The following CLIP1 variants were observed in gnomAD, a reference collection of about 807,000 sequenced individuals.
The protein encoded by CLIP1 is CAP-Gly domain-containing linker protein 1.
CLIP1 carries 66 observed loss-of-function variants against 161.6 expected under a neutral mutation model. That is an observed-to-expected ratio of 0.41 (90% CI 0.33 to 0.50). The LOEUF (loss-of-function observed/expected upper bound fraction) is 0.50, where lower values mean the gene tolerates loss of function less well. CLIP1 is among the 20% of genes least tolerant of loss of function. The pLI, the probability that CLIP1 is intolerant of heterozygous loss-of-function variation, is 0.27. For missense variants in CLIP1, 1,376 were observed against 1,702.0 expected (o/e 0.81, Z 3.37); for synonymous variants, 598 against 626.2 (o/e 0.96, Z 0.67).
chr12:122,293,302 G>T (rs1024269174), intron 20 of CLIP1, among the ~76,000 whole-genome samples: 1 of 151,992 alleles, frequency 6.6e-6, no homozygotes, highest in Non-Finnish European at 1.5e-5. Flanking sequence ...TGCCACCTGG[G>T]CACCCAAGCC....
chr12:122,318,932 G>C (rs1349719597), intron 18 of CLIP1, among the ~76,000 whole-genome samples: 2 of 152,218 alleles, frequency 1.3e-5, no homozygotes, highest in Non-Finnish European at 2.9e-5. Flanking sequence ...AACAATGTGT[G>C]TGATGTAAGA....
intron 1 of CLIP1, among the ~76,000 whole-genome samples, chr12:122,411,168 C>T (rs544029668): frequency 1.3e-5 from 2 of 152,328 alleles, no homozygotes; most frequent in East Asian, 3.9e-4. Context: ...GTAATCCCAG[C>T]ACTTTGGGAG....
chr12:122,328,860 C>T (rs1024006973), intron 15 of CLIP1, among the ~76,000 whole-genome samples: 2 of 152,128 alleles, frequency 1.3e-5, no homozygotes, highest in Admixed American at 6.6e-5. Flanking sequence ...GGATTACAGG[C>T]GTGAGCCACC....
chr12:122,276,407 T>TACACACACACACACACACAC lies in CLIP1; in HGVS notation c.3966+1746_3966+1747insGTGTGTGTGTGTGTGTGTGT, dbSNP rs1555253521. The TACACACACACACACACACAC allele has an allele frequency of 2.0e-5, 18 of 917,902 alleles. No homozygotes were observed. In the African/African-American group the frequency reaches 7.7e-4, roughly 39 times the overall value. 56.9% of individuals were successfully genotyped at this position (917,902 alleles called of 1,614,324 possible). ...CCACACACACACACACACACACACG[T>TACACACACACACACACACAC]GTGCACGCAAATTAGGAAACATGAA... On this transcript the variant is annotated intron_variant, in intron 24 of 25. Transcript: ENST00000620786.
intron 9 of CLIP1, among the ~76,000 whole-genome samples, chr12:122,347,914 A>G (rs1952825284): frequency 6.6e-6 from 1 of 152,166 alleles, no homozygotes; most frequent in African/African-American, 2.4e-5. Flanking sequence ...AGGTATATTG[A>G]CCCTCAGAAT....
chr12:122,295,611 T>C (rs576897595), intron 20 of CLIP1, among the ~76,000 whole-genome samples: 10 of 152,358 alleles, frequency 6.6e-5, no homozygotes, highest in African/African-American at 1.9e-4. Flanking sequence ...AATCTGCAGA[T>C]GACTGTTAGG....
intron 1 of CLIP1, chr12:122,400,105 T>C (rs943113887): frequency 1.3e-5 from 2 of 152,294 alleles, no homozygotes; most frequent in African/African-American, 4.8e-5. Flanking sequence ...CCTGAGCTCC[T>C]CGGCTTGAGC....
intron 3 of CLIP1, among the ~76,000 whole-genome samples, chr12:122,368,509 A>G (rs1473929275): frequency 2.0e-5 from 3 of 152,196 alleles, no homozygotes; most frequent in African/African-American, 7.2e-5. Context: ...AAGCCATTTA[A>G]TCTCACAGTG....
At chr12:122,289,558 C>T (rs1180823177) in intron 20 of CLIP1, among the ~76,000 whole-genome samples, 2 of 152,272 alleles carry the variant, frequency 1.3e-5, no homozygotes, top group East Asian at 3.9e-4. Flanking sequence ...CCTCAATGTA[C>T]TCACATCCAT....
intron 25 of CLIP1, among the ~76,000 whole-genome samples, 157 bp downstream of exon 25, chr12:122,273,881 A>C (rs539304799): frequency 6.0e-4 from 91 of 152,058 alleles, no homozygotes; most frequent in African/African-American, 2.2e-3. Flanking sequence ...ACAGGCATGC[A>C]ACACTACGCC....
chr12:122,409,976 T>G (rs1339166670), intron 1 of CLIP1, among the ~76,000 whole-genome samples: 1 of 151,494 alleles, frequency 6.6e-6, no homozygotes, highest in Non-Finnish European at 1.5e-5. Flanking sequence ...GTTCACGCCA[T>G]TCTCCTGCCT....
intron 21 of CLIP1, among the ~76,000 whole-genome samples, chr12:122,284,788 TAATA>T (rs745539831): frequency 1.2e-3 from 182 of 152,298 alleles, no homozygotes; most frequent in Non-Finnish European, 2.8e-4. Flanking sequence ...TACACATAAA[TAATA>T]AATAAATAAA....
intron 24 of CLIP1, chr12:122,275,405 G>GTTCAAGACC (rs1955369384): frequency 6.6e-6 from 1 of 151,970 alleles, no homozygotes. Context: ...GAGGTCAGGA[G>GTTCAAGACC]TTCAAGACCA....
At chr12:122,396,980 T>C (rs1437536120) in intron 1 of CLIP1, among the ~76,000 whole-genome samples, 1 of 123,932 alleles carries the variant, frequency 8.1e-6, no homozygotes, top group Non-Finnish European at 1.7e-5. Flanking sequence ...GGTTTTACCA[T>C]GTTGCCTAGG....
At chr12:122,382,062 T>C (rs1465209906) in intron 1 of CLIP1, among the ~76,000 whole-genome samples, 1 of 152,104 alleles carries the variant, frequency 6.6e-6, no homozygotes, top group Non-Finnish European at 1.5e-5. Context: ...TCGTCTCTCC[T>C]AAAAATACAA....
chr12:122,408,422 C>A (rs996701437), intron 1 of CLIP1, among the ~76,000 whole-genome samples: 10 of 151,826 alleles, frequency 6.6e-5, no homozygotes, highest in Non-Finnish European at 2.9e-5. Context: ...AATCTCAGCT[C>A]ACTGCAACCT....
chr12:122,418,398 C>T (rs1278747770), intron 1 of CLIP1, among the ~76,000 whole-genome samples: 3 of 152,044 alleles, frequency 2.0e-5, no homozygotes, highest in African/African-American at 7.2e-5. Context: ...CTCTTCATAT[C>T]AAAGAAAAAC....
intron 20 of CLIP1, among the ~76,000 whole-genome samples, chr12:122,290,599 G>A (rs2136310697): frequency 1.3e-5 from 2 of 152,188 alleles, no homozygotes; most frequent in South Asian, 2.1e-4. Context: ...AATGGACAAA[G>A]AGCATGGCAG....
At chr12:122,350,430 C>A (rs935839188) in intron 9 of CLIP1, among the ~76,000 whole-genome samples, 5 of 152,124 alleles carry the variant, frequency 3.3e-5, no homozygotes, top group Non-Finnish European at 5.9e-5. Context: ...AATAAAACAC[C>A]TGCATACCTA....
Sources: gnomAD v4.1 joint callset for allele counts (sites outside exome capture counted in the v4.1 genomes callset) on GRCh38, gnomAD v4.1.1 for gene constraint, MANE v1.5 for transcripts, NCBI Gene and HGNC (gene_info 2026-07-23, HGNC 2026-07-21) for gene names.